The following FAAH2 variants were observed in gnomAD, a reference collection of about 807,000 sequenced individuals.
The protein encoded by FAAH2 is fatty acid amide hydrolase 2.
In FAAH2, 60 loss-of-function variants were observed where a neutral mutation model predicts 36.9. The ratio of observed to expected loss-of-function variants is 1.63; its 90% CI spans 1.32 to 2.02. The LOEUF (loss-of-function observed/expected upper bound fraction) is 2.02, where lower values mean the gene tolerates loss of function less well. Among genes scored for constraint, FAAH2 ranks in the 30% most tolerant of loss-of-function variants. The pLI is 0.00. For missense variants in FAAH2, 689 were observed against 397.5 expected (o/e 1.73, Z -6.23); for synonymous variants, 214 against 143.8 (o/e 1.49, Z -3.49).
chrX:57,469,989 C>T (rs1274442441), intron 10 of FAAH2, among the ~76,000 whole-genome samples: 3 of 111,680 alleles, frequency 2.7e-5, no homozygotes, highest in African/African-American at 9.8e-5. Flanking sequence ...GAACCTCCTC[C>T]TGAATGACTA....
rs984480314 is a variant in FAAH2 at position 57,429,479 on chromosome X, G to A, written c.997-2439G>A. 1.1e-4 allele frequency among the ~76,000 whole-genome samples: 12 copies of A among 111,566 alleles called. 1 individual carries two copies. The highest frequency in any genetic ancestry group is 3.9e-4 in the African/African-American group (12 of 30,755). ...TCAATGAAATGCAAATTAAAATTTC[G>A]ATTAGCTATTGTATTACACCACAGT... On this transcript the variant is annotated intron_variant, in intron 7 of 10. Coordinates refer to ENST00000374900, the MANE Select transcript of FAAH2 (RefSeq NM_174912.4).
At chrX:57,474,327 T>C (rs1287322031) in intron 10 of FAAH2, among the ~76,000 whole-genome samples, 1 of 111,251 alleles carries the variant, frequency 9.0e-6, no homozygotes, top group Non-Finnish European at 1.9e-5. Context: ...CCTGCATTTA[T>C]TAGGTATTTG....
chrX:57,201,723 T>C, the FAAH2 span, among the ~76,000 whole-genome samples: 146 of 111,378 alleles, frequency 1.3e-3, 1 homozygote, highest in African/African-American at 4.6e-3. Flanking sequence ...TCCCTCTGAA[T>C]AATCATTCTA....
chrX:57,305,791 C>A (rs985208860), intron 2 of FAAH2, among the ~76,000 whole-genome samples: 3 of 111,342 alleles, frequency 2.7e-5, no homozygotes, highest in African/African-American at 9.8e-5. Context: ...CTAGTTCAGT[C>A]CAGCTTTTTG....
At chrX:57,271,048 C>A in the FAAH2 span, among the ~76,000 whole-genome samples, 2 of 112,407 alleles carry the variant, frequency 1.8e-5, no homozygotes, top group Admixed American at 9.4e-5. Context: ...TGAGTCCCAT[C>A]CACATGGAGC....
At position 57,323,359 on chromosome X, in the gene FAAH2, T is replaced by C. The variant is rs904156236; in HGVS notation, c.413-8239T>C. On this transcript the variant is annotated intron_variant, in intron 3 of 10. Transcript: ENST00000374900. Reference sequence around the variant, plus strand: ...TTTGGGTATATATCCAGTAATGGGATGGCTGGGTCAAATGGTATTTCTAGT... The same window carrying C: ...TTTGGGTATATATCCAGTAATGGGACGGCTGGGTCAAATGGTATTTCTAGT... Among the ~76,000 whole-genome samples the C allele has an allele frequency of 4.5e-5, 5 of 111,785 alleles. No individual in the cohort carries two copies. The East Asian group carries it at 1.4e-3, about 32-fold the overall frequency.
the FAAH2 span, among the ~76,000 whole-genome samples, chrX:57,153,558 G>C: frequency 0.12 from 13,634 of 111,395 alleles, 1,978 homozygotes; most frequent in African/African-American, 0.41. Flanking sequence ...TGCTGTCTTG[G>C]TATTGGCAAA....
At chrX:57,420,089 G>T (rs772865207) in intron 7 of FAAH2, among the ~76,000 whole-genome samples, 1 of 111,429 alleles carries the variant, frequency 9.0e-6, no homozygotes, top group Non-Finnish European at 1.9e-5. Context: ...TCTCTGTTTT[G>T]GTACCAGTAC....
chrX:57,470,577 A>T (rs150823393), intron 10 of FAAH2, among the ~76,000 whole-genome samples: 3 of 111,199 alleles, frequency 2.7e-5, no homozygotes, highest in Non-Finnish European at 5.7e-5. Context: ...TAGACCAAAA[A>T]CAGGCTCTGA....
the FAAH2 span, among the ~76,000 whole-genome samples, chrX:57,248,677 C>T: frequency 1.2e-4 from 11 of 92,187 alleles, no homozygotes; most frequent in Admixed American, 2.9e-4. Context: ...CGCTTGAACC[C>T]GGGAGGCGGA....
At chrX:57,174,135 C>T in the FAAH2 span, among the ~76,000 whole-genome samples, 3 of 110,813 alleles carry the variant, frequency 2.7e-5, no homozygotes, top group African/African-American at 9.8e-5. Context: ...AATAGTTTTA[C>T]TGGAATTGAT....
the FAAH2 span, among the ~76,000 whole-genome samples, chrX:57,235,117 T>A: frequency 1.0e-3 from 114 of 110,477 alleles, no homozygotes; most frequent in Admixed American, 1.7e-3. Flanking sequence ...GTAGCAGTGG[T>A]GTATGATCAG....
At chrX:57,271,147 G>A in the FAAH2 span, among the ~76,000 whole-genome samples, 2 of 112,436 alleles carry the variant, frequency 1.8e-5, no homozygotes, top group Admixed American at 1.9e-4. Flanking sequence ...GCTTGGTGGA[G>A]GGAGGGGCAT....
At chrX:57,209,946 T>G in the FAAH2 span, among the ~76,000 whole-genome samples, 1 of 101,391 alleles carries the variant, frequency 9.9e-6, no homozygotes, top group Non-Finnish European at 2.0e-5. Flanking sequence ...AATTATGTGG[T>G]TTTTTTTTTT....
intron 3 of FAAH2, among the ~76,000 whole-genome samples, chrX:57,323,278 G>C (rs930758407): frequency 2.0e-4 from 22 of 111,513 alleles, no homozygotes; most frequent in Non-Finnish European, 1.3e-4. Context: ...ATTGTGAATA[G>C]TGTCACAATA....
chrX:57,429,818 G>GTA (rs898192190), intron 7 of FAAH2, among the ~76,000 whole-genome samples: 1 of 111,012 alleles, frequency 9.0e-6, no homozygotes, highest in African/African-American at 3.3e-5. Flanking sequence ...AAAATGTGGT[G>GTA]TATATATACA....
Position 57,295,569 on chromosome X carries a change from G to A in FAAH2, c.275+2989G>A, listed in dbSNP as rs181576279. Among the ~76,000 whole-genome samples the A allele has an allele frequency of 5.6e-4, 63 of 112,105 alleles. No individual in the cohort carries two copies. The East Asian group carries it at 9.4e-3, about 17-fold the overall frequency. ...GGTGATTTCTGCATTTCCAACGGAG[G>A]TACTGGGTTCATCTCACTGGGGAGT... On this transcript the variant is annotated intron_variant, in intron 2 of 10. Coordinates refer to ENST00000374900, the MANE Select transcript of FAAH2 (RefSeq NM_174912.4).
the FAAH2 span, among the ~76,000 whole-genome samples, chrX:57,253,464 T>A: frequency 2.7e-5 from 3 of 111,378 alleles, no homozygotes; most frequent in Non-Finnish European, 5.6e-5. Flanking sequence ...AGACACATAA[T>A]TGTCAAATTC....
chrX:57,385,926 T>G (rs1038849778), intron 7 of FAAH2, among the ~76,000 whole-genome samples: 4 of 98,410 alleles, frequency 4.1e-5, no homozygotes, highest in African/African-American at 1.0e-4. Context: ...AAAAATAGCA[T>G]AAGTGGATAC....
Sources: allele counts gnomAD v4.1 joint callset (sites outside exome capture counted in the v4.1 genomes callset), GRCh38; gene constraint gnomAD v4.1.1; transcripts MANE v1.5; gene names NCBI Gene and HGNC (gene_info 2026-07-23, HGNC 2026-07-21).